Variants in ACSF2 observed in about 807,000 individuals in gnomAD.
ACSF2 encodes the protein medium-chain acyl-CoA ligase ACSF2, mitochondrial.
ACSF2 carries 52 observed loss-of-function variants against 79.3 expected under a neutral mutation model. That is an observed-to-expected ratio of 0.66 (90% CI 0.53 to 0.83). The LOEUF (loss-of-function observed/expected upper bound fraction) is 0.83, where lower values mean the gene tolerates loss of function less well. Ranked by LOEUF, ACSF2 falls within the 40% of genes least tolerant of loss-of-function variation. ACSF2 has a pLI of 0.00. For missense variants in ACSF2, 661 were observed against 803.3 expected, an observed-to-expected ratio of 0.82 and a Z score of 2.14; for synonymous variants, 283 against 312.6, an observed-to-expected ratio of 0.91 and a Z score of 1.00.
At chr17:50,433,854 G>A (rs1407096375) in intron 1 of ACSF2, among the ~76,000 whole-genome samples, 2 of 151,900 alleles carry the variant, frequency 1.3e-5, no homozygotes, top group Non-Finnish European at 2.9e-5. Flanking sequence ...CAAACTGCTG[G>A]GCTCAAGCGA....
intron 1 of ACSF2, among the ~76,000 whole-genome samples, chr17:50,459,952 A>G (rs892264842): frequency 1.3e-5 from 2 of 152,190 alleles, no homozygotes; most frequent in East Asian, 3.8e-4. Flanking sequence ...GCTTTCAGCC[A>G]GCTTCTTAAT....
At chr17:50,450,462 C>T (rs2031596606) in intron 1 of ACSF2, 2 of 150,896 alleles carry the variant, frequency 1.3e-5, no homozygotes, top group African/African-American at 4.9e-5. Flanking sequence ...GATCATGCCA[C>T]TGCACTCCAG....
chr17:50,465,170 C>T, intron 10 of ACSF2: 1 of 1,177,790 alleles, frequency 8.5e-7, no homozygotes, highest in Non-Finnish European at 1.2e-6. Flanking sequence ...TCGTCCCCTC[C>T]TCTCTCTGTA....
intron 1 of ACSF2, among the ~76,000 whole-genome samples, chr17:50,454,525 A>C (rs2031873617): frequency 6.6e-6 from 1 of 151,948 alleles, no homozygotes; most frequent in Non-Finnish European, 1.5e-5. Flanking sequence ...TGTGGTCCAA[A>C]ATGCTACCAT....
intron 6 of ACSF2, 56 bp downstream of exon 6, chr17:50,462,641 G>A: frequency 6.3e-7 from 1 of 1,578,960 alleles, no homozygotes; most frequent in East Asian, 2.3e-5. Context: ...CCCTGTCCCT[G>A]TGACACTTCC....
chr17:50,464,412 C>G (rs925384111), intron 10 of ACSF2, 118 bp downstream of exon 10: 1 of 1,047,742 alleles, frequency 9.5e-7, no homozygotes, highest in Non-Finnish European at 1.5e-6. Flanking sequence ...AGCCAGCCCT[C>G]CTTCCAGAAA....
Position 50,471,409 on chromosome 17 carries a change from A to G in ACSF2, c.1323+274A>G. 6.6e-6 allele frequency: 3 copies of G among 456,934 alleles called. No homozygotes were observed. Among genetic ancestry groups the G allele is most frequent in the Non-Finnish European group, 1.2e-5 (3 of 246,570 alleles). The allele number at this position is 456,934 out of a possible 1,614,324, so 28.3% of individuals were successfully genotyped here. ...TCTGAGGTGTGTTTTTGCCAAGCCC[A>G]CTGTCTGTTTCAGGGCAGCCAGGGT... On this transcript the variant is annotated intron_variant, in intron 11 of 15. Coordinates refer to ENST00000300441, the MANE Select transcript of ACSF2 (RefSeq NM_025149.6). This position sits in a 1 kb window ranked among gnomAD's most constrained non-coding sequence, Gnocchi z 4.1.
rs1376329565 is a variant in ACSF2, at chr17:50,473,436, A to G, written c.1476-229A>G. ...GCCAGTCGTGAAAAGCTATGTATAG[A>G]TGTGTTGAGAGAGACAGAATATGTT... is the stretch of plus-strand genomic sequence containing the variant. On this transcript the variant is annotated intron_variant, in intron 12 of 15. Transcript: ENST00000300441. 3 of 560,090 alleles carry G rather than the reference A, an allele frequency of 5.4e-6. No individual in the cohort carries two copies. The East Asian group carries it at 9.2e-5, about 17-fold the overall frequency. 34.7% of individuals were successfully genotyped at this position (560,090 alleles called of 1,614,324 possible).
chr17:50,465,764 G>C (rs767560413), intron 10 of ACSF2: 23 of 1,613,910 alleles, frequency 1.4e-5, no homozygotes, highest in Non-Finnish European at 1.9e-5. Flanking sequence ...AAGGGCGAGG[G>C]TCTCCAGGCT....
chr17:50,445,205 G>T (rs184574546), intron 1 of ACSF2, among the ~76,000 whole-genome samples: 13 of 152,272 alleles, frequency 8.5e-5, no homozygotes, highest in East Asian at 1.9e-4. Context: ...ATGAGCTACC[G>T]TGCCTGACTT....
At chr17:50,464,109 G>T (rs911650281) in intron 9 of ACSF2, 109 bp from the exon 10 acceptor site, 6 of 1,350,528 alleles carry the variant, frequency 4.4e-6, no homozygotes, top group East Asian at 2.3e-5. Flanking sequence ...GGAAAGGCTC[G>T]GGGTCAGAGG....
chr17:50,449,436 G>A (rs1165784247), intron 1 of ACSF2, among the ~76,000 whole-genome samples: 3 of 147,610 alleles, frequency 2.0e-5, no homozygotes, highest in East Asian at 2.0e-4. Context: ...ACTGAGTCTC[G>A]CTTTGTCACC....
chr17:50,470,685 T>TG lies in ACSF2; in HGVS notation c.1216-337dup, dbSNP rs2033073624. On this transcript the variant is annotated intron_variant, in intron 10 of 15. Transcript: ENST00000300441. ...AGGTGGGGTTAAGGCAGCCAGGGGA[T>TG]GGGGGGAGAAGTGTGGGGTGTTGGT... is the stretch of plus-strand genomic sequence containing the variant. 2.0e-5 allele frequency among the ~76,000 whole-genome samples: 3 copies of TG among 148,116 alleles called. No homozygotes were observed. The South Asian group carries it at 6.5e-4, about 32-fold the overall frequency.
At position 50,468,409 on chromosome 17, in the gene ACSF2, G is replaced by T; in HGVS notation, c.1216-2619G>T. The T allele has an allele frequency of 2.5e-6, 4 of 1,614,178 alleles. No homozygotes were observed. The South Asian group carries it at 4.4e-5, about 18-fold the overall frequency. On this transcript the variant is annotated intron_variant, in intron 10 of 15. Coordinates refer to ENST00000300441, the MANE Select transcript of ACSF2 (RefSeq NM_025149.6). The stretch of plus-strand genomic sequence containing the variant: ...AGAGCAACCCCCGGGGCAGCTCAGT[G>T]ACCTTGTTGTGGTCCAGGTAGAGGT...
chr17:50,427,027 G>C, intron 1 of ACSF2: 1 of 1,523,228 alleles, frequency 6.6e-7, no homozygotes, highest in Non-Finnish European at 8.8e-7. Flanking sequence ...GGAGGACCCC[G>C]TGAGATGGCA....
chr17:50,435,348 C>G (rs1347180981), intron 1 of ACSF2, among the ~76,000 whole-genome samples: 1 of 144,606 alleles, frequency 6.9e-6, no homozygotes. Context: ...TGTTTTTCCC[C>G]ACTTTGTAGC....
intron 1 of ACSF2, among the ~76,000 whole-genome samples, chr17:50,444,714 A>G (rs1178919600): frequency 6.6e-6 from 1 of 151,098 alleles, no homozygotes; most frequent in African/African-American, 2.4e-5. Flanking sequence ...TAATATCCAT[A>G]TTTTTCATCT....
intron 1 of ACSF2, among the ~76,000 whole-genome samples, chr17:50,455,020 C>T (rs909052196): frequency 6.6e-6 from 1 of 152,032 alleles, no homozygotes; most frequent in African/African-American, 2.4e-5. Flanking sequence ...GAACACCTGC[C>T]GTCCGGCTGG....
rs2033118852 is a variant in ACSF2, at chr17:50,471,471, T to C, written c.1323+336T>C. On this transcript the variant is annotated intron_variant, in intron 11 of 15. Coordinates refer to ENST00000300441, the MANE Select transcript of ACSF2 (RefSeq NM_025149.6). This position sits in a 1 kb window ranked among gnomAD's most constrained non-coding sequence, Gnocchi z 4.1. ...GGAGCCAGAGCACAGAGAGTTTTCC[T>C]ACACAGCTTCTTTTCCTCCAGTGGT... The C allele has an allele frequency of 1.2e-5, 4 of 334,536 alleles. No individual in the cohort carries two copies. Among genetic ancestry groups the C allele is most frequent in the African/African-American group, 8.3e-5 (4 of 47,938 alleles). The allele number at this position is 334,536 out of a possible 1,614,324, so 20.7% of individuals were successfully genotyped here. A position where few individuals can be genotyped will look rare whatever the true frequency, so the allele number is the denominator to read the frequency against.
Sources: allele counts gnomAD v4.1 joint callset (sites outside exome capture counted in the v4.1 genomes callset), GRCh38; gene constraint gnomAD v4.1.1; non-coding constraint Gnocchi (gnomAD v3.1); transcripts MANE v1.5; gene names NCBI Gene and HGNC (gene_info 2026-07-23, HGNC 2026-07-21).